The following ACVR1C variants were observed in gnomAD, a reference collection of about 807,000 sequenced individuals.
The protein encoded by ACVR1C is activin receptor type-1C.
Under a neutral mutation model 57.9 loss-of-function variants are expected in ACVR1C, and 23 were observed. That is an observed-to-expected ratio of 0.40 (90% CI 0.29 to 0.56). ACVR1C has a LOEUF of 0.56. Ranked by LOEUF, ACVR1C falls within the 20% of genes least tolerant of loss-of-function variation. The probability of loss-of-function intolerance (pLI) is 0.50; values close to 1 mark genes in which losing one functional copy is unlikely to be tolerated. For synonymous variants in ACVR1C, 214 were observed against 215.3 expected, an observed-to-expected ratio of 0.99 and a Z score of 0.05; for missense variants, 480 against 607.9, an observed-to-expected ratio of 0.79 and a Z score of 2.21.
chr2:157,605,195 C>CAT (rs148856106), intron 1 of ACVR1C, among the ~76,000 whole-genome samples: 95 of 150,074 alleles, frequency 6.3e-4, no homozygotes, highest in East Asian at 1.4e-3. Context: ...AATCAATTGA[C>CAT]ATATATATAT....
At position 157,550,293 on chromosome 2, in the gene ACVR1C, C is replaced by T; in HGVS notation, c.644G>A (p.Cys215Tyr). The T allele has an allele frequency of 6.2e-7, 1 of 1,614,190 alleles. No individual in the cohort carries two copies. Among genetic ancestry groups the T allele is most frequent in the African/African-American group, 1.3e-5 (1 of 75,040 alleles). ...RFGEVWHGRWCGEDVAVKIFS... is the reference protein window; with the variant it reads ...RFGEVWHGRWYGEDVAVKIFS... ...TATTTTCACAGCCACATCTTCCCCA[C>T]ACCATCTTCCATGCCACACCTCACC... Residue 215 changes from cysteine to tyrosine, a missense_variant, in exon 4 of 9, where the codon TGT becomes TAT. Cys to Tyr is a radical substitution (Grantham distance 194). Coordinates refer to ENST00000243349, the MANE Select transcript of ACVR1C (RefSeq NM_145259.3).
chr2:157,534,226 C>T (rs553846715), intron 8 of ACVR1C, among the ~76,000 whole-genome samples, 183 bp from the exon 9 acceptor site: 1 of 151,670 alleles, frequency 6.6e-6, no homozygotes, highest in Non-Finnish European at 1.5e-5. Context: ...GCATAACACA[C>T]TACAGCCTCA....
chr2:157,602,652 A>G (rs1682304687), intron 1 of ACVR1C, among the ~76,000 whole-genome samples: 1 of 152,254 alleles, frequency 6.6e-6, no homozygotes, highest in Non-Finnish European at 1.5e-5. Context: ...CCCCAAATCA[A>G]GTAATATCCT....
chr2:157,558,737 G>T lies in ACVR1C; in HGVS notation c.305-2405C>A, dbSNP rs529647413. 4.6e-5 allele frequency among the ~76,000 whole-genome samples: 7 copies of T among 152,306 alleles called. No homozygotes were observed. The South Asian group carries it at 1.5e-3, about 32-fold the overall frequency. On this transcript the variant is annotated intron_variant, in intron 2 of 8. Coordinates refer to ENST00000243349, the MANE Select transcript of ACVR1C (RefSeq NM_145259.3). ...AGTGTTCTTAGAATAGGTACTAAAAGAATTATCTGACTTGACTTTGCTTTA... is the reference window on the plus strand; with the variant it reads ...AGTGTTCTTAGAATAGGTACTAAAATAATTATCTGACTTGACTTTGCTTTA...
intron 2 of ACVR1C, among the ~76,000 whole-genome samples, chr2:157,561,928 C>T (rs1052496965): frequency 8.5e-5 from 13 of 152,200 alleles, no homozygotes; most frequent in East Asian, 1.9e-4. Flanking sequence ...GAGTCCACAA[C>T]CTTGTGGAAT....
intron 1 of ACVR1C, among the ~76,000 whole-genome samples, chr2:157,597,040 G>T (rs1024447929): frequency 6.6e-6 from 1 of 152,066 alleles, no homozygotes; most frequent in South Asian, 2.1e-4. Flanking sequence ...TTTCTTGGAG[G>T]TGAATCTTGA....
intron 3 of ACVR1C, among the ~76,000 whole-genome samples, chr2:157,555,320 C>T (rs2105224209): frequency 6.6e-6 from 1 of 151,652 alleles, no homozygotes; most frequent in East Asian, 1.9e-4. Context: ...GGGGTTTCAC[C>T]TTGTTAGCCA....
rs756131886 is a variant in ACVR1C at position 157,556,121 on chromosome 2, A to G, written c.516T>C (p.Tyr172=). The change falls in exon 3 of 9, where the codon TAT becomes TAC. Residue 172 remains tyrosine (Y), a synonymous_variant. Transcript: ENST00000243349. The stretch of plus-strand genomic sequence containing the variant: ...AGCCAGATCCAGAGGCGGTCACATC[A>G]TAAATCAGATCTTTCAGAGTTTTTC... ...NAGKTLKDLI[Y]DVTASGSGSG... is the part of the protein sequence containing the mutation. 4 of 1,614,152 alleles carry G rather than the reference A, an allele frequency of 2.5e-6. No homozygotes were observed. The highest frequency in any genetic ancestry group is 3.4e-6 in the Non-Finnish European group (4 of 1,179,982).
intron 7 of ACVR1C, 94 bp downstream of exon 7, chr2:157,540,996 G>T (rs1012667061): frequency 2.9e-6 from 4 of 1,402,520 alleles, no homozygotes; most frequent in Non-Finnish European, 3.9e-6. Context: ...GAAACTGATT[G>T]AATATAGTGC....
chr2:157,620,538 G>A (rs993881354), intron 1 of ACVR1C, among the ~76,000 whole-genome samples: 5 of 151,604 alleles, frequency 3.3e-5, no homozygotes, highest in South Asian at 2.1e-4. Context: ...GTAGTAATCC[G>A]GATTACCAGT....
chr2:157,601,419 G>A (rs1254416469), intron 1 of ACVR1C, among the ~76,000 whole-genome samples: 1 of 152,122 alleles, frequency 6.6e-6, no homozygotes, highest in Non-Finnish European at 1.5e-5. Flanking sequence ...ATAACTGCCT[G>A]TTTCTTTTTT....
At chr2:157,547,742 C>G (rs1253955847) in intron 4 of ACVR1C, among the ~76,000 whole-genome samples, 5 of 150,590 alleles carry the variant, frequency 3.3e-5, no homozygotes, top group African/African-American at 1.2e-4. Flanking sequence ...GAGTAGGCTG[C>G]GAAAATTTTC....
intron 4 of ACVR1C, among the ~76,000 whole-genome samples, chr2:157,549,639 T>C (rs1687862138): frequency 6.6e-6 from 1 of 152,046 alleles, no homozygotes; most frequent in African/African-American, 2.4e-5. Context: ...ATTTATCCGT[T>C]GGAAAGAGGA....
chr2:157,578,573 ACTTT>A (rs1032064512), intron 2 of ACVR1C, among the ~76,000 whole-genome samples: 14 of 152,016 alleles, frequency 9.2e-5, no homozygotes, highest in African/African-American at 3.4e-4. Context: ...CTTTGATGTT[ACTTT>A]CTTTCTGCCT....
rs572091635 is a variant in ACVR1C at position 157,533,831 on chromosome 2, C to CA, written c.*86dup. ...GTACTGTCTTATCTTTGAGGTAGAA[C>CA]AAAAAAAAAATGGCAAAAACATTCA... On this transcript the variant is annotated 3_prime_UTR_variant, in exon 9 of 9. Transcript: ENST00000243349. 8.2e-3 allele frequency: 9,275 copies of CA among 1,126,850 alleles called. No individual in the cohort carries two copies. The highest frequency in any genetic ancestry group is 0.012 in the South Asian group (584 of 49,482). 69.8% of individuals were successfully genotyped at this position (1,126,850 alleles called of 1,614,324 possible).
At chr2:157,549,559 C>A (rs1208495392) in intron 4 of ACVR1C, among the ~76,000 whole-genome samples, 2 of 152,128 alleles carry the variant, frequency 1.3e-5, no homozygotes, top group African/African-American at 2.4e-5. Flanking sequence ...ATTTTAAGCA[C>A]CGCCCTGGCT....
At position 157,526,789 on chromosome 2, in the gene ACVR1C, A is replaced by G. The variant is rs141643468; in HGVS notation, c.*7129T>C. The G allele has an allele frequency of 6.6e-6, 1 of 152,198 alleles. No individual in the cohort carries two copies. Among genetic ancestry groups the G allele is most frequent in the Non-Finnish European group, 1.5e-5 (1 of 68,028 alleles). 9.4% of individuals were successfully genotyped at this position (152,198 alleles called of 1,614,324 possible). A position where few individuals can be genotyped will look rare whatever the true frequency, so the allele number is the denominator to read the frequency against. ...AAATACGACACATCTTCCTTTATTT[A>G]AAATAGAGTTCTATATGCTTCACAG... On this transcript the variant is annotated 3_prime_UTR_variant, in exon 9 of 9. Transcript: ENST00000243349.
At chr2:157,607,607 G>A (rs1173079609) in intron 1 of ACVR1C, among the ~76,000 whole-genome samples, 2 of 151,664 alleles carry the variant, frequency 1.3e-5, no homozygotes, top group Non-Finnish European at 3.0e-5. Context: ...AGCATGGAAT[G>A]TCTTTTCATT....
In ACVR1C at chr2:157,531,820, G is replaced by T. The variant is rs1687355746; in HGVS notation, c.*2098C>A. 6.6e-6 allele frequency: 1 copy of T among 151,982 alleles called. No homozygotes were observed. The highest frequency in any genetic ancestry group is 2.4e-5 in the African/African-American group (1 of 41,390). 9.4% of individuals were successfully genotyped at this position (151,982 alleles called of 1,614,324 possible). A position where few individuals can be genotyped will look rare whatever the true frequency, so the allele number is the denominator to read the frequency against. ...GTGTTGCAAATGAAAGCAATTTTCA[G>T]ACCTATCCTAGAAACCCACTGTCAT... On this transcript the variant is annotated 3_prime_UTR_variant, in exon 9 of 9. Coordinates refer to ENST00000243349, the MANE Select transcript of ACVR1C (RefSeq NM_145259.3).
Sources: gnomAD v4.1 joint callset for allele counts (sites outside exome capture counted in the v4.1 genomes callset) on GRCh38, gnomAD v4.1.1 for gene constraint, MANE v1.5 for transcripts, NCBI Gene and HGNC (gene_info 2026-07-23, HGNC 2026-07-21) for gene names.